The following SDK1 variants were observed in gnomAD, a reference collection of about 807,000 sequenced individuals.
SDK1 encodes sidekick cell adhesion molecule 1.
A neutral mutation model predicts 245.5 loss-of-function variants in SDK1; 157 were observed. The observed-to-expected ratio is 0.64, with a 90% confidence interval of 0.56 to 0.73. The LOEUF is 0.73. SDK1 is among the 30% of genes least tolerant of loss of function. SDK1 has a pLI of 0.00. For synonymous variants in SDK1, 1,647 were observed against 1,278.5 expected, an observed-to-expected ratio of 1.29 and a Z score of -6.15; for missense variants, 3,583 against 3,002.3, an observed-to-expected ratio of 1.19 and a Z score of -4.52.
rs553571381 is a variant in SDK1, at chr7:3,637,989, G to C, written c.459-1015G>C. Among the ~76,000 whole-genome samples the C allele has an allele frequency of 1.8e-4, 27 of 152,310 alleles. No homozygotes were observed. In the East Asian group the frequency reaches 4.8e-3, roughly 27 times the overall value. On this transcript the variant is annotated intron_variant, in intron 2 of 44. Transcript: ENST00000404826. ...CGTGTTAAGACTGTTGCCAGTTCTA[G>C]GAATCTTTGGAAATTCTGATGTTCT...
intron 1 of SDK1, among the ~76,000 whole-genome samples, chr7:3,538,212 T>C (rs918162111): frequency 3.9e-5 from 6 of 152,218 alleles, no homozygotes; most frequent in Non-Finnish European, 7.3e-5. Flanking sequence ...GGCCATTTGT[T>C]TGTCCCATTG....
intron 5 of SDK1, among the ~76,000 whole-genome samples, chr7:3,848,060 A>G (rs1303619224): frequency 6.6e-6 from 1 of 152,268 alleles, no homozygotes; most frequent in Non-Finnish European, 1.5e-5. Flanking sequence ...TACAAACCGT[A>G]TTTGAAATGT....
At chr7:3,686,229 C>G (rs796403740) in intron 4 of SDK1, among the ~76,000 whole-genome samples, 10 of 152,310 alleles carry the variant, frequency 6.6e-5, no homozygotes, top group African/African-American at 2.4e-4. Flanking sequence ...GCATCTGCCA[C>G]CATTCCCAGC....
chr7:3,552,520 A>G (rs185250066), intron 1 of SDK1, among the ~76,000 whole-genome samples: 5 of 152,208 alleles, frequency 3.3e-5, no homozygotes, highest in African/African-American at 9.6e-5. Flanking sequence ...ATTTGCTCAT[A>G]TATTCATTTA....
chr7:4,092,601 T>C (rs575946077), intron 22 of SDK1, among the ~76,000 whole-genome samples: 7 of 152,334 alleles, frequency 4.6e-5, no homozygotes, highest in Non-Finnish European at 1.0e-4. Flanking sequence ...GAAGCGGTTG[T>C]TGACTCCTAG....
chr7:3,728,157 A>G (rs1453238415), intron 4 of SDK1, among the ~76,000 whole-genome samples: 2 of 152,236 alleles, frequency 1.3e-5, no homozygotes, highest in African/African-American at 4.8e-5. Flanking sequence ...TGCCATCAGC[A>G]TGGCGTGTCA....
intron 5 of SDK1, among the ~76,000 whole-genome samples, chr7:3,838,572 A>T (rs1780079761): frequency 6.6e-6 from 1 of 152,210 alleles, no homozygotes; most frequent in African/African-American, 2.4e-5. Context: ...CCTGCTTGGC[A>T]GAGGGTGCAA....
chr7:4,084,220 T>C (rs1221574190), intron 22 of SDK1, among the ~76,000 whole-genome samples: 1 of 152,256 alleles, frequency 6.6e-6, no homozygotes, highest in African/African-American at 2.4e-5. Context: ...GGGTGAGGAA[T>C]TGGTCCCCTG....
chr7:4,165,280 A>G (rs1781434566), intron 32 of SDK1, among the ~76,000 whole-genome samples: 2 of 151,934 alleles, frequency 1.3e-5, no homozygotes, highest in South Asian at 4.2e-4. Context: ...AACTGCTTAA[A>G]CCCGGGAGGT....
intron 2 of SDK1, among the ~76,000 whole-genome samples, chr7:3,625,540 G>A: frequency 6.6e-6 from 1 of 152,212 alleles, no homozygotes; most frequent in Non-Finnish European, 1.5e-5. Flanking sequence ...AAGCACCAGT[G>A]CAGGGATCCC....
At chr7:4,164,457 T>C (rs1020384599) in intron 32 of SDK1, among the ~76,000 whole-genome samples, 6 of 152,086 alleles carry the variant, frequency 3.9e-5, no homozygotes, top group African/African-American at 1.2e-4. Flanking sequence ...GGTGGGAGGT[T>C]AGAGACATTC....
chr7:3,602,520 G>T (rs1360344761), intron 1 of SDK1, among the ~76,000 whole-genome samples: 2 of 152,048 alleles, frequency 1.3e-5, no homozygotes, highest in Non-Finnish European at 2.9e-5. Context: ...TTTTGATGGG[G>T]TTGTTTGTTT....
chr7:3,979,973 G>C (rs960702952), intron 13 of SDK1, among the ~76,000 whole-genome samples: 1 of 152,136 alleles, frequency 6.6e-6, no homozygotes, highest in Admixed American at 6.5e-5. Flanking sequence ...TGAGGCATTG[G>C]GAGAGGTTTC....
At chr7:3,897,996 A>G (rs1254815910) in intron 5 of SDK1, among the ~76,000 whole-genome samples, 3 of 150,788 alleles carry the variant, frequency 2.0e-5, no homozygotes, top group Admixed American at 2.0e-4. Context: ...CCATGTGTGC[A>G]CAGTACACTG....
chr7:3,632,197 A>T (rs1782315993), intron 2 of SDK1, among the ~76,000 whole-genome samples: 1 of 152,202 alleles, frequency 6.6e-6, no homozygotes, highest in African/African-American at 2.4e-5. Context: ...AGTAGATTTG[A>T]CAGACGGTTC....
chr7:3,821,505 G>C lies in SDK1; in HGVS notation c.769G>C (p.Gly257Arg). 6.2e-7 allele frequency: 1 copy of C among 1,613,700 alleles called. No individual in the cohort carries two copies. The highest frequency in any genetic ancestry group is 1.1e-5 in the South Asian group (1 of 90,984). ...CCTCGCCACCACAACCAGTGATGCC[G>C]GGGCATACTACGTGCAGGCCGTGAA... ...VILATTTSDA[G>R]AYYVQAVNEK... The change falls in exon 5 of 45, where the codon GGG (glycine) becomes CGG (arginine). Residue 257 changes from glycine to arginine, a missense_variant. Coordinates refer to ENST00000404826, the MANE Select transcript of SDK1 (RefSeq NM_152744.4).
chr7:3,497,437 G>A (rs966279463), intron 1 of SDK1, among the ~76,000 whole-genome samples: 1 of 152,116 alleles, frequency 6.6e-6, no homozygotes, highest in Non-Finnish European at 1.5e-5. Context: ...AGACATCATT[G>A]CGTCTTTATT....
intron 5 of SDK1, among the ~76,000 whole-genome samples, chr7:3,901,209 A>G (rs967743285): frequency 1.3e-5 from 2 of 150,402 alleles, no homozygotes; most frequent in African/African-American, 4.9e-5. Context: ...TTTTTTCCCG[A>G]CAGAGTCTTG....
intron 1 of SDK1, among the ~76,000 whole-genome samples, chr7:3,587,412 C>A (rs146084931): frequency 6.6e-6 from 1 of 152,044 alleles, no homozygotes; most frequent in East Asian, 1.9e-4. Context: ...AAAGTGGAGA[C>A]CCAGGCAAGC....
Sources: gnomAD v4.1 joint callset for allele counts (sites outside exome capture counted in the v4.1 genomes callset) on GRCh38, gnomAD v4.1.1 for gene constraint, MANE v1.5 for transcripts, NCBI Gene and HGNC (gene_info 2026-07-23, HGNC 2026-07-21) for gene names.